The following KIR2DL3 variants were observed in gnomAD, a reference collection of about 807,000 sequenced individuals.
KIR2DL3 encodes killer cell immunoglobulin-like receptor 2DL3.
KIR2DL3 carries 39 observed loss-of-function variants against 33.8 expected under a neutral mutation model. The ratio of observed to expected loss-of-function variants is 1.15; its 90% CI spans 0.89 to 1.51. The LOEUF is 1.51. Among genes scored for constraint, KIR2DL3 ranks in the 40% most tolerant of loss-of-function variants. The pLI is 0.00. For synonymous variants in KIR2DL3, 174 were observed against 160.2 expected, an observed-to-expected ratio of 1.09 and a Z score of -0.65; for missense variants, 462 against 426.2, an observed-to-expected ratio of 1.08 and a Z score of -0.74.
intron 4 of KIR2DL3, among the ~76,000 whole-genome samples, chr19:54,745,701 C>G (rs1226910068): frequency 6.6e-6 from 1 of 151,698 alleles, no homozygotes; most frequent in South Asian, 2.1e-4. Context: ...CACTTTTCTC[C>G]GTAAAGGCTG....
intron 5 of KIR2DL3, among the ~76,000 whole-genome samples, chr19:54,751,309 C>T (rs2073383159): frequency 7.6e-6 from 1 of 131,576 alleles, no homozygotes; most frequent in Non-Finnish European, 1.7e-5. Context: ...AACTTGCTAA[C>T]CCCGTCTCCT....
rs554434802 is a variant in KIR2DL3, at chr19:54,749,965, T to A, written c.716-1684T>A. On this transcript the variant is annotated intron_variant, in intron 5 of 7. Transcript: ENST00000342376. ...ACACGAATGACAAAGGCACCTGAAT[T>A]CCAATCATCGTTTTTCTATTTCTCT... Among the ~76,000 whole-genome samples the A allele has an allele frequency of 5.1e-4, 62 of 121,666 alleles. 10 individuals carry two copies. The highest frequency in any genetic ancestry group is 3.8e-3 in the Middle Eastern group (1 of 266). 79.8% of individuals were successfully genotyped at this position (121,666 alleles called of 152,430 possible).
chr19:54,750,361 C>G (rs1419501649), intron 5 of KIR2DL3, among the ~76,000 whole-genome samples: 7 of 141,392 alleles, frequency 5.0e-5, no homozygotes, highest in African/African-American at 1.6e-4. Context: ...AATAGATGGC[C>G]GAGGGGGTGG....
chr19:54,744,952 A>T (rs1471136492), intron 4 of KIR2DL3, among the ~76,000 whole-genome samples: 72 of 27,182 alleles, frequency 2.6e-3, no homozygotes, highest in East Asian at 3.6e-3. Flanking sequence ...ATATATATAT[A>T]TATTTTTTTT....
At chr19:54,739,664 A>C (rs13344925) in intron 2 of KIR2DL3, 122 bp downstream of exon 2, 1 of 1,079,168 alleles carries the variant, frequency 9.3e-7, no homozygotes, top group Non-Finnish European at 1.3e-6. Context: ...TGGGGTGCTC[A>C]GCCCACATTT....
intron 3 of KIR2DL3, among the ~76,000 whole-genome samples, chr19:54,743,147 G>A (rs2071501784): frequency 6.6e-6 from 1 of 151,974 alleles, no homozygotes; most frequent in East Asian, 1.9e-4. Context: ...CAAGACAGAT[G>A]ATAGATGGAT....
rs1476733912 is a variant in KIR2DL3 at position 54,746,087 on chromosome 19, A to G, written c.665-1248A>G. On this transcript the variant is annotated intron_variant, in intron 4 of 7. Coordinates refer to ENST00000342376, the MANE Select transcript of KIR2DL3 (RefSeq NM_015868.3). ...CTCAGGCTCTCAAAGGTCTAGGATG[A>G]CAGACGTGAGCCACCACGCCCGGCC... Among the ~76,000 whole-genome samples, 8 of 134,706 alleles carry G rather than the reference A, an allele frequency of 5.9e-5. 1 individual carries two copies. The highest frequency in any genetic ancestry group is 1.4e-4 in the African/African-American group (5 of 36,200). The allele number at this position is 134,706 out of a possible 152,430, so 88.4% of individuals were successfully genotyped here. A position where few individuals can be genotyped will look rare whatever the true frequency, so the allele number is the denominator to read the frequency against.
intron 4 of KIR2DL3, among the ~76,000 whole-genome samples, chr19:54,744,530 ATTT>A (rs199781218): frequency 7.1e-6 from 1 of 141,502 alleles, no homozygotes. Flanking sequence ...CACCTTTAAC[ATTT>A]TTTTTTTTTT....
In KIR2DL3 at chr19:54,751,113, C is replaced by T. The variant is rs1483693283; in HGVS notation, c.716-536C>T. ...ACAGTTCTGCAGGCTGTACTGGAAG[C>T]GTGGCACCAGCATCTATTTCTCGTG... On this transcript the variant is annotated intron_variant, in intron 5 of 7. Transcript: ENST00000342376. Among the ~76,000 whole-genome samples the T allele has an allele frequency of 3.8e-5, 5 of 132,086 alleles. 2 individuals are homozygous for T. The highest frequency in any genetic ancestry group is 5.8e-5 in the African/African-American group (2 of 34,768). 86.7% of individuals were successfully genotyped at this position (132,086 alleles called of 152,430 possible). A position where few individuals can be genotyped will look rare whatever the true frequency, so the allele number is the denominator to read the frequency against.
At chr19:54,745,503 C>T (rs1163293102) in intron 4 of KIR2DL3, among the ~76,000 whole-genome samples, 3 of 151,856 alleles carry the variant, frequency 2.0e-5, no homozygotes, top group Non-Finnish European at 4.4e-5. Flanking sequence ...GCTGGGATTA[C>T]AGGTGCACGC....
chr19:54,739,711 G>A (rs867918638), intron 2 of KIR2DL3, among the ~76,000 whole-genome samples, 169 bp downstream of exon 2: 2 of 151,584 alleles, frequency 1.3e-5, no homozygotes, highest in African/African-American at 4.9e-5. Context: ...CCCCTTGGCA[G>A]AGTCAAGTTC....
chr19:54,752,056 A>T (rs2073530499), intron 6 of KIR2DL3, among the ~76,000 whole-genome samples, 160 bp from the exon 7 acceptor site: 1 of 135,662 alleles, frequency 7.4e-6, no homozygotes. Context: ...TATTCATGGG[A>T]TGGGTCCTTG....
At chr19:54,744,962 T>A (rs1397901754) in intron 4 of KIR2DL3, among the ~76,000 whole-genome samples, 604 of 50,186 alleles carry the variant, frequency 0.012, 1 homozygote, top group Non-Finnish European at 0.018. Context: ...ATATTTTTTT[T>A]TTTTTTTTTT....
intron 2 of KIR2DL3, among the ~76,000 whole-genome samples, chr19:54,741,069 C>T (rs1239588186): frequency 6.6e-6 from 1 of 151,746 alleles, no homozygotes. Flanking sequence ...TTTCTGTCTC[C>T]AGTACTGGAA....
chr19:54,741,514 C>G (rs1399592358), intron 2 of KIR2DL3, among the ~76,000 whole-genome samples: 4 of 152,088 alleles, frequency 2.6e-5, no homozygotes, highest in Admixed American at 1.3e-4. Flanking sequence ...GGAGAAGGCA[C>G]AGGCATGGCA....
chr19:54,747,412 C>G (rs2072712746), intron 5 of KIR2DL3, 27 bp downstream of exon 5: 1 of 1,607,254 alleles, frequency 6.2e-7, no homozygotes, highest in South Asian at 1.1e-5. Flanking sequence ...CTTATATCCG[C>G]TTTTGGAAAC....
chr19:54,743,443 T>C (rs530857157), intron 3 of KIR2DL3, among the ~76,000 whole-genome samples: 2 of 152,324 alleles, frequency 1.3e-5, no homozygotes, highest in East Asian at 3.9e-4. Flanking sequence ...GATAAATAGA[T>C]AGATCGACAG....
In KIR2DL3 at chr19:54,750,793, G is replaced by C. The variant is rs965601256; in HGVS notation, c.716-856G>C. Among the ~76,000 whole-genome samples the C allele has an allele frequency of 4.4e-5, 6 of 135,424 alleles. 1 individual carries two copies. The highest frequency in any genetic ancestry group is 2.6e-4 in the South Asian group (1 of 3,914). The allele number at this position is 135,424 out of a possible 152,430, so 88.8% of individuals were successfully genotyped here. A position where few individuals can be genotyped will look rare whatever the true frequency, so the allele number is the denominator to read the frequency against. Reference sequence around the variant, plus strand: ...AACAGAAACCTACATTTCAATGTGAGCCAGTCCCTCAAGGCTCAGAAAAGC... The same window carrying C: ...AACAGAAACCTACATTTCAATGTGACCCAGTCCCTCAAGGCTCAGAAAAGC... On this transcript the variant is annotated intron_variant, in intron 5 of 7. Coordinates refer to ENST00000342376, the MANE Select transcript of KIR2DL3 (RefSeq NM_015868.3).
At chr19:54,750,842 C>T (rs986125066) in intron 5 of KIR2DL3, among the ~76,000 whole-genome samples, 2 of 133,884 alleles carry the variant, frequency 1.5e-5, no homozygotes, top group Non-Finnish European at 3.3e-5. Context: ...TGGAGTCACC[C>T]CATTTGCAGT....
Sources: allele counts gnomAD v4.1 joint callset (sites outside exome capture counted in the v4.1 genomes callset), GRCh38; gene constraint gnomAD v4.1.1; transcripts MANE v1.5; gene names NCBI Gene and HGNC (gene_info 2026-07-23, HGNC 2026-07-21).